Variants in MTA3 observed in about 807,000 individuals in gnomAD.
MTA3 encodes the protein metastasis-associated protein MTA3.
Under a neutral mutation model 83.5 loss-of-function variants are expected in MTA3, and 34 were observed. That is an observed-to-expected ratio of 0.41 (90% CI 0.31 to 0.54). The LOEUF (loss-of-function observed/expected upper bound fraction) is 0.54. MTA3 is among the 20% of genes least tolerant of loss of function. The pLI, the probability that MTA3 is intolerant of heterozygous loss-of-function variation, is 0.33. For missense variants in MTA3, 761 were observed against 726.4 expected, an observed-to-expected ratio of 1.05 and a Z score of -0.55; for synonymous variants, 303 against 252.7, an observed-to-expected ratio of 1.20 and a Z score of -1.89.
At chr2:42,538,354 T>C (rs1676350311) in intron 2 of MTA3, among the ~76,000 whole-genome samples, 1 of 152,154 alleles carries the variant, frequency 6.6e-6, no homozygotes, top group Admixed American at 6.6e-5. Flanking sequence ...TTCATTATCT[T>C]GTTCTTGTAA....
intron 2 of MTA3, among the ~76,000 whole-genome samples, chr2:42,517,143 C>G (rs541282956): frequency 2.8e-4 from 43 of 152,252 alleles, no homozygotes; most frequent in African/African-American, 1.0e-3. Flanking sequence ...GCCTGTAATT[C>G]CAGCTACTCA....
At chr2:42,582,144 G>A (rs930782089) in intron 3 of MTA3, among the ~76,000 whole-genome samples, 3 of 151,220 alleles carry the variant, frequency 2.0e-5, no homozygotes, top group African/African-American at 7.3e-5. Flanking sequence ...TGCAAGCTCC[G>A]CCTCCCAGGT....
At chr2:42,582,219 G>A (rs770472891) in intron 3 of MTA3, among the ~76,000 whole-genome samples, 13 of 152,044 alleles carry the variant, frequency 8.6e-5, no homozygotes, top group African/African-American at 2.7e-4. Context: ...CACCACGCCC[G>A]GCTAATTTTT....
chr2:42,494,501 C>T (rs1022262070), upstream of MTA3: 1 of 152,300 alleles, frequency 6.6e-6, no homozygotes, highest in East Asian at 1.9e-4. Flanking sequence ...CGACTTTGCT[C>T]TTCCTACCGC....
intron 2 of MTA3, among the ~76,000 whole-genome samples, chr2:42,575,727 T>G (rs1678966534): frequency 6.6e-6 from 1 of 152,194 alleles, no homozygotes; most frequent in Admixed American, 6.5e-5. Context: ...CCTTACACCT[T>G]AAGGTAGCTA....
chr2:42,742,924 T>C (rs2104586734), intron 16 of MTA3, among the ~76,000 whole-genome samples: 1 of 152,342 alleles, frequency 6.6e-6, no homozygotes, highest in South Asian at 2.1e-4. Context: ...TGTTTGTACA[T>C]TACAGGGCCC....
chr2:42,712,523 A>G (rs1666711027), intron 14 of MTA3, among the ~76,000 whole-genome samples: 2 of 152,166 alleles, frequency 1.3e-5, no homozygotes, highest in African/African-American at 2.4e-5. Context: ...TTCCCCAAAT[A>G]CCTAAATATT....
At chr2:42,627,189 C>T (rs1686187930) in intron 4 of MTA3, among the ~76,000 whole-genome samples, 1 of 151,974 alleles carries the variant, frequency 6.6e-6, no homozygotes, top group Non-Finnish European at 1.5e-5. Context: ...GCGATCCTCT[C>T]ACCTCAGCCT....
intron 7 of MTA3, among the ~76,000 whole-genome samples, chr2:42,658,603 C>G (rs1364169887): frequency 2.6e-5 from 4 of 152,120 alleles, no homozygotes; most frequent in Non-Finnish European, 4.4e-5. Flanking sequence ...ATCTGTGGTG[C>G]TATAATCCAG....
chr2:42,502,357 A>T (rs190347631), intron 2 of MTA3, among the ~76,000 whole-genome samples: 1 of 152,282 alleles, frequency 6.6e-6, no homozygotes, highest in East Asian at 1.9e-4. Context: ...CCGCCATCTG[A>T]GGTCTGTGTG....
At chr2:42,622,267 T>G (rs896354824) in intron 4 of MTA3, among the ~76,000 whole-genome samples, 2 of 152,084 alleles carry the variant, frequency 1.3e-5, no homozygotes, top group Non-Finnish European at 2.9e-5. Context: ...CCAGTCAGGC[T>G]TGGCGGCGCG....
chr2:42,580,746 C>T (rs1168124690), intron 3 of MTA3, among the ~76,000 whole-genome samples: 1 of 152,116 alleles, frequency 6.6e-6, no homozygotes, highest in Non-Finnish European at 1.5e-5. Flanking sequence ...CAGGCATGCA[C>T]CACCATGCCC....
intron 2 of MTA3, among the ~76,000 whole-genome samples, chr2:42,529,819 C>A (rs1453183084): frequency 6.6e-6 from 1 of 152,290 alleles, no homozygotes; most frequent in African/African-American, 2.4e-5. Context: ...CAAAGAAAAT[C>A]TAAAAGGTTT....
intron 3 of MTA3, among the ~76,000 whole-genome samples, chr2:42,591,024 C>G (rs1342263806): frequency 6.6e-6 from 1 of 152,110 alleles, no homozygotes; most frequent in African/African-American, 2.4e-5. Context: ...GCCATGATTG[C>G]TTTGTGACAA....
chr2:42,730,127 T>G (rs961958512), intron 16 of MTA3, among the ~76,000 whole-genome samples: 1 of 152,142 alleles, frequency 6.6e-6, no homozygotes, highest in Non-Finnish European at 1.5e-5. Context: ...TCTTGTGGAG[T>G]CTTTAGGTTT....
intron 9 of MTA3, among the ~76,000 whole-genome samples, chr2:42,686,596 G>C (rs1004513722): frequency 6.6e-6 from 1 of 151,788 alleles, no homozygotes; most frequent in Non-Finnish European, 1.5e-5. Flanking sequence ...AGGCCGAGGC[G>C]GGCGGATCAC....
chr2:42,594,728 A>ATTTTT (rs1211133796), intron 3 of MTA3, among the ~76,000 whole-genome samples: 43 of 24,034 alleles, frequency 1.8e-3, no homozygotes, highest in South Asian at 4.1e-3. Context: ...ATATATATAT[A>ATTTTT]TTTTTTTTTT....
chr2:42,696,591 A>T (rs928358914), intron 10 of MTA3, among the ~76,000 whole-genome samples: 4 of 152,192 alleles, frequency 2.6e-5, no homozygotes, highest in Non-Finnish European at 5.9e-5. Context: ...CTATAAAAAA[A>T]TTTTATGAAT....
At chr2:42,548,993 G>A (rs1367045816) in intron 2 of MTA3, among the ~76,000 whole-genome samples, 3 of 132,586 alleles carry the variant, frequency 2.3e-5, no homozygotes, top group Non-Finnish European at 4.6e-5. Context: ...TGACCAACAT[G>A]GAGAAACCCC....
Sources: gnomAD v4.1 joint callset for allele counts (sites outside exome capture counted in the v4.1 genomes callset) on GRCh38, gnomAD v4.1.1 for gene constraint, MANE v1.5 for transcripts, NCBI Gene and HGNC (gene_info 2026-07-23, HGNC 2026-07-21) for gene names.